The following AFAP1 variants were observed in gnomAD, a reference collection of about 807,000 sequenced individuals.
AFAP1 encodes the protein actin filament associated protein 1.
AFAP1 carries 75 observed loss-of-function variants against 93.9 expected under a neutral mutation model. The ratio of observed to expected loss-of-function variants is 0.80; its 90% CI spans 0.66 to 0.97. The LOEUF (loss-of-function observed/expected upper bound fraction) is 0.97, where lower values mean the gene tolerates loss of function less well. Ranked by LOEUF, AFAP1 falls within the 50% of genes least tolerant of loss-of-function variation. AFAP1 has a pLI of 0.00. For synonymous variants in AFAP1, 517 were observed against 430.7 expected (o/e 1.20, Z -2.48); for missense variants, 1,201 against 1,050.8 (o/e 1.14, Z -1.98).
intron 9 of AFAP1, among the ~76,000 whole-genome samples, chr4:7,806,239 G>A (rs1000210401): frequency 5.3e-5 from 8 of 152,234 alleles, no homozygotes; most frequent in Non-Finnish European, 1.2e-4. Context: ...TAGGCGGGCG[G>A]ACCTGGCCAG....
intron 9 of AFAP1, among the ~76,000 whole-genome samples, chr4:7,808,054 T>A (rs769593446): frequency 1.3e-5 from 2 of 152,156 alleles, no homozygotes; most frequent in African/African-American, 2.4e-5. Flanking sequence ...ACACCTTGGA[T>A]ATAACGGGTG....
intron 8 of AFAP1, among the ~76,000 whole-genome samples, chr4:7,815,286 G>A (rs922098211): frequency 6.6e-6 from 1 of 152,244 alleles, no homozygotes; most frequent in East Asian, 1.9e-4. Flanking sequence ...AAAAGGGACA[G>A]AGCTTCGCTC....
At chr4:7,863,619 C>T (rs1412678827) in intron 3 of AFAP1, among the ~76,000 whole-genome samples, 1 of 152,160 alleles carries the variant, frequency 6.6e-6, no homozygotes, top group Non-Finnish European at 1.5e-5. Context: ...ACACTACACA[C>T]ACATCTACTC....
intron 1 of AFAP1, among the ~76,000 whole-genome samples, chr4:7,930,827 T>C (rs1448174127): frequency 6.6e-6 from 1 of 152,198 alleles, no homozygotes; most frequent in African/African-American, 2.4e-5. Flanking sequence ...CTCAGCTCAC[T>C]GCAACCTCCA....
intron 1 of AFAP1, among the ~76,000 whole-genome samples, chr4:7,935,420 A>G (rs1721318117): frequency 6.6e-6 from 1 of 152,202 alleles, no homozygotes; most frequent in African/African-American, 2.4e-5. Context: ...ATATCCTGTC[A>G]ATATCCAAAA....
intron 11 of AFAP1, among the ~76,000 whole-genome samples, chr4:7,787,877 C>T (rs1717456000): frequency 6.6e-6 from 1 of 152,294 alleles, no homozygotes; most frequent in East Asian, 1.9e-4. Context: ...ACTCCCCTGG[C>T]TCTCGCGGCT....
rs534525461 is a variant in AFAP1 at position 7,821,701 on chromosome 4, C to T, written c.727-2530G>A. Among the ~76,000 whole-genome samples the T allele has an allele frequency of 3.9e-4, 60 of 152,328 alleles. 1 individual carries two copies. The highest frequency in any genetic ancestry group is 9.8e-4 in the Admixed American group (15 of 15,304). On this transcript the variant is annotated intron_variant, in intron 6 of 17. Transcript: ENST00000420658. ...GCTTCTTCTGGGCAAAAAAGAAACA[C>T]CAAAGTCCCAGATATGTGTGTAGTA...
At chr4:7,901,371 A>G (rs1474797875) in intron 1 of AFAP1, among the ~76,000 whole-genome samples, 8 of 152,344 alleles carry the variant, frequency 5.3e-5, no homozygotes, top group Non-Finnish European at 5.9e-5. Flanking sequence ...AGATTAAAAT[A>G]TGCAGAGCAC....
rs1713465302 is a variant in AFAP1 at position 7,759,457 on chromosome 4, T to C, written c.*4308A>G. On this transcript the variant is annotated 3_prime_UTR_variant, in exon 18 of 18. Coordinates refer to ENST00000420658, the MANE Select transcript of AFAP1 (RefSeq NM_001134647.2). ...GACTCACGAATAGAGGTGACTGCTT[T>C]TTCTGCAGTGCTGTGCCACGTATTT... is the stretch of plus-strand genomic sequence containing the variant. 1 of 152,652 alleles carries C rather than the reference T, an allele frequency of 6.6e-6. No individual in the cohort carries two copies. Among genetic ancestry groups the C allele is most frequent in the African/African-American group, 2.4e-5 (1 of 41,454 alleles). 9.5% of individuals were successfully genotyped at this position (152,652 alleles called of 1,614,324 possible).
intron 13 of AFAP1, among the ~76,000 whole-genome samples, chr4:7,780,337 T>A (rs1366907758): frequency 6.6e-6 from 1 of 152,238 alleles, no homozygotes; most frequent in Non-Finnish European, 1.5e-5. Context: ...GCCGACCTAT[T>A]GGGAGCTACT....
At chr4:7,796,672 A>C (rs368420241) in intron 10 of AFAP1, among the ~76,000 whole-genome samples, 6 of 150,872 alleles carry the variant, frequency 4.0e-5, no homozygotes, top group African/African-American at 1.5e-4. Context: ...AATGGCGTGA[A>C]CCCGGGAGAC....
In AFAP1 at chr4:7,762,070, A is replaced by T. The variant is rs984660378; in HGVS notation, c.*1695T>A. On this transcript the variant is annotated 3_prime_UTR_variant, in exon 18 of 18. Coordinates refer to ENST00000420658, the MANE Select transcript of AFAP1 (RefSeq NM_001134647.2). Reference sequence around the variant, plus strand: ...TTGCAATCAATTCAAGTTCAGGTGGACTCAAGCAGCTTCCAATTCGTGTTG... The same window carrying T: ...TTGCAATCAATTCAAGTTCAGGTGGTCTCAAGCAGCTTCCAATTCGTGTTG... The T allele has an allele frequency of 6.6e-6, 1 of 152,220 alleles. No homozygotes were observed. Among genetic ancestry groups the T allele is most frequent in the South Asian group, 2.1e-4 (1 of 4,832 alleles). The allele number at this position is 152,220 out of a possible 1,614,324, so 9.4% of individuals were successfully genotyped here. A position where few individuals can be genotyped will look rare whatever the true frequency, so the allele number is the denominator to read the frequency against.
At chr4:7,878,465 C>G (rs1432041249) in intron 1 of AFAP1, among the ~76,000 whole-genome samples, 2 of 152,242 alleles carry the variant, frequency 1.3e-5, no homozygotes, top group Admixed American at 6.5e-5. Context: ...GACACAGGCT[C>G]TATCCTTCTA....
intron 3 of AFAP1, among the ~76,000 whole-genome samples, chr4:7,856,295 T>G (rs1005810175): frequency 3.3e-5 from 5 of 151,894 alleles, no homozygotes; most frequent in Non-Finnish European, 5.9e-5. Context: ...CAGGCTGGAG[T>G]GCAGTGGCGC....
intron 6 of AFAP1, among the ~76,000 whole-genome samples, chr4:7,822,751 ATT>A (rs5855983): frequency 7.1e-6 from 1 of 141,376 alleles, no homozygotes. Flanking sequence ...CGCCCGGCTA[ATT>A]TTTTTTTTTT....
chr4:7,853,896 G>T (rs1026694729), intron 4 of AFAP1, among the ~76,000 whole-genome samples: 1 of 152,172 alleles, frequency 6.6e-6, no homozygotes, highest in East Asian at 1.9e-4. Flanking sequence ...TTCCCCAGGC[G>T]TGAGTTCCTC....
chr4:7,888,614 C>T (rs1718264748), intron 1 of AFAP1, among the ~76,000 whole-genome samples: 1 of 152,164 alleles, frequency 6.6e-6, no homozygotes, highest in African/African-American at 2.4e-5. Flanking sequence ...CCCCAGGCAG[C>T]TTCACTAGTG....
chr4:7,840,466 A>G (rs1329737613), intron 5 of AFAP1, among the ~76,000 whole-genome samples: 1 of 152,074 alleles, frequency 6.6e-6, no homozygotes, highest in East Asian at 1.9e-4. Flanking sequence ...GGCGTGCACC[A>G]CCACACTCGG....
chr4:7,912,549 T>C (rs903724982), intron 1 of AFAP1, among the ~76,000 whole-genome samples: 1 of 152,252 alleles, frequency 6.6e-6, no homozygotes, highest in Non-Finnish European at 1.5e-5. Context: ...CGGCTAATGA[T>C]GTTGAACATC....
Sources: allele counts gnomAD v4.1 joint callset (sites outside exome capture counted in the v4.1 genomes callset), GRCh38; gene constraint gnomAD v4.1.1; transcripts MANE v1.5; gene names NCBI Gene and HGNC (gene_info 2026-07-23, HGNC 2026-07-21).